The following SLC47A2 variants were observed in gnomAD, a reference collection of about 807,000 sequenced individuals.
SLC47A2 encodes multidrug and toxin extrusion protein 2.
A neutral mutation model predicts 67.7 loss-of-function variants in SLC47A2; 52 were observed. That is an observed-to-expected ratio of 0.77 (90% CI 0.61 to 0.97). The LOEUF (loss-of-function observed/expected upper bound fraction) is 0.97, where lower values mean the gene tolerates loss of function less well. Among genes scored for constraint, SLC47A2 ranks in the 50% least tolerant of loss-of-function variants. The pLI is 0.00. For missense variants in SLC47A2, 676 were observed against 712.3 expected (o/e 0.95, Z 0.58); for synonymous variants, 278 against 292.9 (o/e 0.95, Z 0.52).
At chr17:19,679,423 G>C (rs1012365025) in intron 16 of SLC47A2, among the ~76,000 whole-genome samples, 1 of 152,194 alleles carries the variant, frequency 6.6e-6, no homozygotes, top group African/African-American at 2.4e-5. Flanking sequence ...TCATGACATG[G>C]ACACTGGGCA....
intron 9 of SLC47A2, 93 bp from the exon 10 acceptor site, chr17:19,705,596 G>GT: frequency 1.6e-6 from 2 of 1,234,650 alleles, no homozygotes; most frequent in South Asian, 3.0e-5. Context: ...GGACTCAGGG[G>GT]CTTTTTTTTT....
Position 19,705,416 on chromosome 17 carries a change from C to A in SLC47A2, c.909+20G>T. On this transcript the variant is annotated intron_variant, in intron 10 of 16. Transcript: ENST00000433844. The stretch of plus-strand genomic sequence containing the variant: ...CATCAGGTGGGGGATGTGGGGAAGG[C>A]ACCCCTGCAGGAGCCTTACCATGTA... The A allele has an allele frequency of 6.2e-7, 1 of 1,604,052 alleles. No individual in the cohort carries two copies. Among genetic ancestry groups the A allele is most frequent in the Admixed American group, 1.7e-5 (1 of 58,560 alleles).
intron 13 of SLC47A2, among the ~76,000 whole-genome samples, chr17:19,684,375 A>T (rs2085375325): frequency 6.6e-6 from 1 of 152,220 alleles, no homozygotes; most frequent in Non-Finnish European, 1.5e-5. Context: ...AATATTTCAA[A>T]CTTGAAAATT....
At chr17:19,714,841 G>A (rs775777747) in intron 2 of SLC47A2, 52 bp from the exon 3 acceptor site, 2 of 1,609,910 alleles carry the variant, frequency 1.2e-6, no homozygotes, top group East Asian at 2.2e-5. Flanking sequence ...GGCCTGAAGA[G>A]AGGCCCCTGC....
chr17:19,704,445 G>A (rs183757670), intron 10 of SLC47A2, among the ~76,000 whole-genome samples: 73 of 152,368 alleles, frequency 4.8e-4, no homozygotes, highest in African/African-American at 1.5e-3. Context: ...CCTTGCAACC[G>A]AAATCACTGT....
intron 3 of SLC47A2, 133 bp from the exon 4 acceptor site, chr17:19,714,106 C>A (rs754598058): frequency 1.2e-4 from 149 of 1,232,114 alleles, no homozygotes; most frequent in Middle Eastern, 1.1e-3. Flanking sequence ...CACAGCCTGG[C>A]GCCCGCAGCC....
chr17:19,709,325 G>C (rs559504894), intron 5 of SLC47A2, among the ~76,000 whole-genome samples: 2 of 152,286 alleles, frequency 1.3e-5, no homozygotes, highest in Non-Finnish European at 1.5e-5. Context: ...GTGTGTGTTG[G>C]GGGGCACTGT....
At chr17:19,695,205 G>C (rs1196750076) in intron 13 of SLC47A2, among the ~76,000 whole-genome samples, 1 of 151,968 alleles carries the variant, frequency 6.6e-6, no homozygotes, top group Non-Finnish European at 1.5e-5. Flanking sequence ...TTGAAAATTG[G>C]TAATAGTATA....
chr17:19,712,188 C>T (rs1178017692), intron 5 of SLC47A2, among the ~76,000 whole-genome samples: 1 of 152,150 alleles, frequency 6.6e-6, no homozygotes, highest in Admixed American at 6.5e-5. Context: ...GAGTTCAAGA[C>T]TAGCCTGGCC....
upstream of SLC47A2, chr17:19,717,237 T>C (rs1481161299): frequency 6.6e-6 from 1 of 152,470 alleles, no homozygotes; most frequent in African/African-American, 2.4e-5. Context: ...GCAGCATATC[T>C]GAGAGCCAGG....
intron 5 of SLC47A2, among the ~76,000 whole-genome samples, chr17:19,711,115 T>C (rs1333783772): frequency 6.6e-6 from 1 of 152,014 alleles, no homozygotes; most frequent in East Asian, 1.9e-4. Context: ...AGCTCAAAAT[T>C]CTTTAAGTCA....
intron 13 of SLC47A2, among the ~76,000 whole-genome samples, chr17:19,684,210 G>C (rs1025663101): frequency 6.6e-6 from 1 of 152,106 alleles, no homozygotes; most frequent in Non-Finnish European, 1.5e-5. Context: ...ATCATGCCTG[G>C]CAAATTTTGA....
chr17:19,703,961 C>T (rs2085856949), intron 11 of SLC47A2, 109 bp downstream of exon 11: 1 of 773,876 alleles, frequency 1.3e-6, no homozygotes, highest in South Asian at 2.1e-5. Context: ...GAAGATAAAC[C>T]TGGCAGCTCC....
chr17:19,706,722 A>G lies in SLC47A2; in HGVS notation c.767T>C (p.Phe256Ser), dbSNP rs1195320098. ...GAGCATGCTGGGGACAGCCAGGGAG[A>G]AGAAGGGGCCCCAGTCCTGCAGGCA... ...SQCLQDWGPF[F>S]SLAVPSMLMI... Residue 256 changes from phenylalanine to serine, a missense_variant, in exon 9 of 17, where the codon TTC becomes TCC. Physicochemically the swap from Phe to Ser is radical, Grantham distance 155. Coordinates refer to ENST00000433844, the MANE Select transcript of SLC47A2 (RefSeq NM_001099646.3). 6.2e-7 allele frequency: 1 copy of G among 1,611,234 alleles called. No homozygotes were observed. Among genetic ancestry groups the G allele is most frequent in the African/African-American group, 1.3e-5 (1 of 74,830 alleles).
At chr17:19,695,726 C>A (rs2085648593) in intron 13 of SLC47A2, among the ~76,000 whole-genome samples, 1 of 150,896 alleles carries the variant, frequency 6.6e-6, no homozygotes, top group Non-Finnish European at 1.5e-5. Context: ...TACTGAAATT[C>A]CTTTTTTTTT....
Position 19,713,889 on chromosome 17 carries a change from A to G in SLC47A2, c.379T>C (p.Trp127Arg). 2 of 1,613,850 alleles carry G rather than the reference A, an allele frequency of 1.2e-6. No homozygotes were observed. The highest frequency in any genetic ancestry group is 1.1e-5 in the South Asian group (1 of 91,086). Residue 127 changes from tryptophan (W) to arginine (R), a missense_variant, in exon 4 of 17, where the codon TGG (tryptophan) becomes CGG (arginine). By Grantham distance (101) the Trp-to-Arg change is moderately radical (BLOSUM62 -3). Transcript: ENST00000433844. ...LVLLLCCLPC[W>R]ALFLNTQHIL... ...TGCTGGGTGTTGAGGAAGAGCGCCC[A>G]GCAAGGGAGGCAGCAGAGGAGCAGG...
intron 13 of SLC47A2, among the ~76,000 whole-genome samples, chr17:19,701,399 A>G (rs925534026): frequency 2.0e-5 from 3 of 152,198 alleles, no homozygotes; most frequent in African/African-American, 7.2e-5. Context: ...GATGGAGTAC[A>G]CAGAGGCCTT....
chr17:19,684,810 G>GCCCTCT (rs373264028), intron 13 of SLC47A2, among the ~76,000 whole-genome samples: 15 of 151,428 alleles, frequency 9.9e-5, no homozygotes, highest in African/African-American at 2.4e-4. Flanking sequence ...ACTACTTTTC[G>GCCCTCT]CCCTCTCCCT....
intron 13 of SLC47A2, among the ~76,000 whole-genome samples, chr17:19,691,019 A>C (rs2152343046): frequency 6.6e-6 from 1 of 152,160 alleles, no homozygotes; most frequent in Middle Eastern, 3.4e-3. Context: ...CTACTCGGGA[A>C]GGCTGAGGCA....
Sources: allele counts gnomAD v4.1 joint callset (sites outside exome capture counted in the v4.1 genomes callset), GRCh38; gene constraint gnomAD v4.1.1; transcripts MANE v1.5; gene names NCBI Gene and HGNC (gene_info 2026-07-23, HGNC 2026-07-21).